Variants in SCN1A observed in about 807,000 individuals in gnomAD.
The protein encoded by SCN1A is sodium voltage-gated channel alpha subunit 1.
In SCN1A, 13 loss-of-function variants were observed where a neutral mutation model predicts 193.7. That is an observed-to-expected ratio of 0.07 (90% confidence interval 0.04 to 0.11). SCN1A has a LOEUF of 0.11. SCN1A is among the 10% of genes least tolerant of loss of function. SCN1A has a pLI of 1.00. For missense variants in SCN1A, 1,432 were observed against 2,451.1 expected (o/e 0.58, Z 8.78); for synonymous variants, 781 against 843.6 (o/e 0.93, Z 1.29).
chr2:166,021,276 C>G (rs1210791287), intron 19 of SCN1A, among the ~76,000 whole-genome samples: 1 of 152,040 alleles, frequency 6.6e-6, no homozygotes, highest in Non-Finnish European at 1.5e-5. Flanking sequence ...ATGAATTACT[C>G]TAGATAAACT....
intron 1 of SCN1A, among the ~76,000 whole-genome samples, chr2:166,143,066 C>T (rs1337890982): frequency 2.3e-5 from 2 of 87,194 alleles, no homozygotes; most frequent in Non-Finnish European, 4.5e-5. Context: ...CGGACTAATA[C>T]ACTCGTTGAA....
rs2105861442 is a variant in SCN1A, at chr2:166,046,833, T to C, written c.1314A>G (p.Glu438=). 6.2e-7 allele frequency: 1 copy of C among 1,613,970 alleles called. No homozygotes were observed. The highest frequency in any genetic ancestry group is 1.3e-5 in the African/African-American group (1 of 75,024). Residue 438 remains glutamate (E), a synonymous_variant, in exon 12 of 29, where the codon GAA becomes GAG. Coordinates refer to ENST00000674923, the MANE Select transcript of SCN1A (RefSeq NM_001165963.4). The part of the protein sequence containing the change: ...EQNQATLEEA[E]QKEAEFQQMI... ...TCTGCTGAAATTCGGCCTCTTTCTG[T>C]TCTGCTTCTTCCAAGGTGGCCTGAT... is the stretch of plus-strand genomic sequence containing the variant.
intron 1 of SCN1A, among the ~76,000 whole-genome samples, chr2:166,143,167 AT>A (rs66499233): frequency 3.0e-4 from 38 of 126,158 alleles, no homozygotes; most frequent in Admixed American, 3.6e-4. Context: ...AGAACTCAGC[AT>A]TTTTTTTTTT....
At chr2:166,096,818 T>C (rs928944516) in intron 2 of SCN1A, among the ~76,000 whole-genome samples, 6 of 152,204 alleles carry the variant, frequency 3.9e-5, no homozygotes, top group Non-Finnish European at 8.8e-5. Flanking sequence ...TGTTTTTGTT[T>C]TGTTTTTATT....
In SCN1A at chr2:166,043,777, C is replaced by T; in HGVS notation, c.1935G>A (p.Val645=). Reference sequence around the variant, plus strand: ...CCAAGGAAACCACACCATTGCAATCCACAGTGCTGTGCATCTTCCCATTCG... The same window carrying T: ...CCAAGGAAACCACACCATTGCAATCTACAGTGCTGTGCATCTTCCCATTCG... The part of the protein sequence containing the change: ...FPANGKMHST[V]DCNGVVSLVG... Residue 645 remains valine, a synonymous_variant, in exon 14 of 29, where the codon GTG becomes GTA. Coordinates refer to ENST00000674923, the MANE Select transcript of SCN1A (RefSeq NM_001165963.4). 6.2e-7 allele frequency: 1 copy of T among 1,614,192 alleles called. No individual in the cohort carries two copies. Among genetic ancestry groups the T allele is most frequent in the Non-Finnish European group, 8.5e-7 (1 of 1,180,040 alleles).
intron 2 of SCN1A, among the ~76,000 whole-genome samples, chr2:166,119,730 T>C (rs944690461): frequency 4.6e-5 from 7 of 152,160 alleles, no homozygotes; most frequent in African/African-American, 1.4e-4. Flanking sequence ...ACTTTTATTA[T>C]ACAAGGTTTG....
intron 17 of SCN1A, among the ~76,000 whole-genome samples, chr2:166,039,150 A>G (rs957794979): frequency 6.6e-6 from 1 of 152,238 alleles, no homozygotes; most frequent in African/African-American, 2.4e-5. Flanking sequence ...AGGTCTAGAA[A>G]TATTAACTGT....
Position 166,045,245 on chromosome 2 carries a change from G to A in SCN1A, c.1460C>T (p.Ser487Phe), listed in dbSNP as rs1321365855. 2 of 1,614,070 alleles carry A rather than the reference G, an allele frequency of 1.2e-6. No homozygotes were observed. Among genetic ancestry groups the A allele is most frequent in the South Asian group, 2.2e-5 (2 of 91,086 alleles). Residue 487 changes from serine (S) to phenylalanine (F), a missense_variant, in exon 13 of 29, where the codon TCT (serine) becomes TTT (phenylalanine). Transcript: ENST00000674923. ...GRLSDSSSEA[S>F]KLSSKSAKER... ...CTTAGCACTCTTGGAACTCAACTTAGAGGCTTCAGATGAGCTGTCTGAGAG... is the reference window on the plus strand; with the variant it reads ...CTTAGCACTCTTGGAACTCAACTTAAAGGCTTCAGATGAGCTGTCTGAGAG...
chr2:166,010,634 T>C (rs985226997), intron 22 of SCN1A, among the ~76,000 whole-genome samples: 3 of 151,286 alleles, frequency 2.0e-5, no homozygotes, highest in African/African-American at 7.3e-5. Context: ...AGGAAGATTA[T>C]AACTTATTTG....
At chr2:166,075,426 T>G (rs1684894366) in intron 3 of SCN1A, 1 of 152,058 alleles carries the variant, frequency 6.6e-6, no homozygotes, top group South Asian at 2.1e-4. Context: ...GGAATCTTAT[T>G]ATACAAACTG....
At chr2:166,121,136 AAAAG>A (rs1251884498) in intron 2 of SCN1A, among the ~76,000 whole-genome samples, 1 of 151,712 alleles carries the variant, frequency 6.6e-6, no homozygotes, top group Non-Finnish European at 1.5e-5. Context: ...AAAAAAAAGA[AAAAG>A]AAAGAAAGAC....
intron 2 of SCN1A, among the ~76,000 whole-genome samples, chr2:166,114,265 G>A (rs1689613038): frequency 6.6e-6 from 1 of 152,152 alleles, no homozygotes; most frequent in Non-Finnish European, 1.5e-5. Flanking sequence ...AAATTATTTT[G>A]TGCCTGTTTC....
intron 9 of SCN1A, 79 bp downstream of exon 9, chr2:166,051,640 C>A: frequency 5.3e-6 from 6 of 1,124,996 alleles, no homozygotes; most frequent in African/African-American, 1.6e-5. Context: ...GGATATCCAG[C>A]CCCTCAAGTA....
At chr2:166,096,391 T>C (rs1346186762) in intron 2 of SCN1A, among the ~76,000 whole-genome samples, 2 of 152,170 alleles carry the variant, frequency 1.3e-5, no homozygotes, top group African/African-American at 4.8e-5. Flanking sequence ...CAAACAATTC[T>C]CTGCTTCAGC....
chr2:166,054,299 T>G (rs1350230012), intron 7 of SCN1A, among the ~76,000 whole-genome samples: 1 of 152,012 alleles, frequency 6.6e-6, no homozygotes, highest in Non-Finnish European at 1.5e-5. Context: ...TTTTTAAAGT[T>G]ATTTTCACAG....
At chr2:166,077,172 A>G (rs1685068474) in intron 3 of SCN1A, 1 of 151,830 alleles carries the variant, frequency 6.6e-6, no homozygotes, top group Non-Finnish European at 1.5e-5. Context: ...TTTTAGATAT[A>G]ACACCAAAGG....
intron 1 of SCN1A, among the ~76,000 whole-genome samples, chr2:166,138,200 A>G (rs1691940414): frequency 1.3e-5 from 2 of 152,238 alleles, no homozygotes; most frequent in South Asian, 4.1e-4. Flanking sequence ...AATGCAATAG[A>G]AAAGAAAATC....
At chr2:166,058,856 CTTAA>C (rs1682981303) in intron 4 of SCN1A, among the ~76,000 whole-genome samples, 168 bp from the exon 5 acceptor site, 1 of 152,070 alleles carries the variant, frequency 6.6e-6, no homozygotes, top group Non-Finnish European at 1.5e-5. Context: ...TGGATCTCTT[CTTAA>C]TTAGAGAGGA....
intron 26 of SCN1A, among the ~76,000 whole-genome samples, chr2:165,996,945 A>G (rs1340468956): frequency 6.6e-6 from 1 of 151,500 alleles, no homozygotes; most frequent in African/African-American, 2.4e-5. Context: ...TAAGGTTATA[A>G]AAGTCATAAA....
Sources: allele counts gnomAD v4.1 joint callset (sites outside exome capture counted in the v4.1 genomes callset), GRCh38; gene constraint gnomAD v4.1.1; transcripts MANE v1.5; gene names NCBI Gene and HGNC (gene_info 2026-07-23, HGNC 2026-07-21).